The following PHACTR4 variants were observed in gnomAD, a reference collection of about 807,000 sequenced individuals.
PHACTR4 encodes the protein protein phosphatase 1, regulatory subunit 124.
Under a neutral mutation model 72.7 loss-of-function variants are expected in PHACTR4, and 51 were observed. The observed-to-expected ratio is 0.70, with a 90% CI of 0.56 to 0.89. The LOEUF (loss-of-function observed/expected upper bound fraction) is 0.89. PHACTR4 is among the 40% of genes least tolerant of loss of function. PHACTR4 has a pLI of 0.00. For synonymous variants in PHACTR4, 255 were observed against 302.5 expected (o/e 0.84, Z 1.63); for missense variants, 731 against 861.8 (o/e 0.85, Z 1.90).
intron 8 of PHACTR4, among the ~76,000 whole-genome samples, chr1:28,478,752 C>G (rs1303057387): frequency 1.3e-5 from 2 of 151,912 alleles, no homozygotes; most frequent in African/African-American, 4.8e-5. Context: ...CCGTGACTGG[C>G]CCGGTAGTTC....
intron 1 of PHACTR4, among the ~76,000 whole-genome samples, chr1:28,377,620 G>A (rs943207890): frequency 1.3e-5 from 2 of 151,992 alleles, no homozygotes; most frequent in Admixed American, 1.3e-4. Context: ...GCCACAAGGT[G>A]GAGTTCAAGA....
At chr1:28,430,384 C>G (rs929054272) in intron 2 of PHACTR4, among the ~76,000 whole-genome samples, 1 of 152,126 alleles carries the variant, frequency 6.6e-6, no homozygotes, top group African/African-American at 2.4e-5. Context: ...AGAGAAATTC[C>G]TGGCGAAGGG....
intron 7 of PHACTR4, among the ~76,000 whole-genome samples, chr1:28,475,529 C>T (rs1366178646): frequency 6.6e-6 from 1 of 152,050 alleles, no homozygotes; most frequent in Admixed American, 6.6e-5. Context: ...AATATTTACT[C>T]TGTAGGCTTG....
intron 7 of PHACTR4, among the ~76,000 whole-genome samples, chr1:28,475,000 G>C (rs901631828): frequency 6.6e-6 from 1 of 151,256 alleles, no homozygotes; most frequent in African/African-American, 2.4e-5. Flanking sequence ...ACTCAAGCTG[G>C]AGTCAGTGGT....
intron 8 of PHACTR4, among the ~76,000 whole-genome samples, chr1:28,476,528 T>G (rs893738834): frequency 3.3e-5 from 4 of 121,986 alleles, no homozygotes; most frequent in African/African-American, 1.0e-4. Context: ...AGGTTTTTTG[T>G]TTTTTTTTGT....
intron 2 of PHACTR4, among the ~76,000 whole-genome samples, chr1:28,411,284 T>A (rs1654773759): frequency 6.6e-6 from 1 of 152,226 alleles, no homozygotes; most frequent in Non-Finnish European, 1.5e-5. Context: ...TGACCTCAGA[T>A]GATCCACCTG....
intron 1 of PHACTR4, among the ~76,000 whole-genome samples, chr1:28,384,859 T>C (rs572412916): frequency 6.6e-6 from 1 of 152,176 alleles, no homozygotes; most frequent in African/African-American, 2.4e-5. Context: ...ACCTCTGTGC[T>C]CCAGCCTGGA....
At chr1:28,412,192 C>G (rs1360854067) in intron 2 of PHACTR4, among the ~76,000 whole-genome samples, 3 of 152,210 alleles carry the variant, frequency 2.0e-5, no homozygotes, top group Non-Finnish European at 4.4e-5. Context: ...TGAATTCTAT[C>G]ACTAGCAACA....
intron 2 of PHACTR4, chr1:28,453,703 T>G: frequency 7.9e-7 from 1 of 1,261,662 alleles, no homozygotes; most frequent in South Asian, 1.2e-5. Context: ...CTTACTTCAA[T>G]TTGAACCCAT....
Position 28,487,518 on chromosome 1 carries a change from C to CA in PHACTR4, c.1761-1633dup, listed in dbSNP as rs796633179. ...ACAGAGTGAGACCCTGACACACACA[C>CA]AAAAAAAAAAAAAAAAAAAGGAAGG... On this transcript the variant is annotated intron_variant, in intron 9 of 13. Coordinates refer to ENST00000373839, the MANE Select transcript of PHACTR4 (RefSeq NM_001048183.3). 4.8e-3 allele frequency among the ~76,000 whole-genome samples: 372 copies of CA among 77,204 alleles called. 7 individuals are homozygous for CA. The highest frequency in any genetic ancestry group is 0.044 in the East Asian group (95 of 2,138). The allele number at this position is 77,204 out of a possible 152,430, so 50.6% of individuals were successfully genotyped here.
Position 28,459,070 on chromosome 1 carries a change from C to A in PHACTR4, c.17-15C>A. On this transcript the variant is annotated splice_polypyrimidine_tract_variant and intron_variant, in intron 2 of 13. Coordinates refer to ENST00000373839, the MANE Select transcript of PHACTR4 (RefSeq NM_001048183.3). ...ATACATTTGCTTCCTTCCCTCTCTTCTTTTCATGTAACAGAGGAAGCAGAC... is the reference window on the plus strand; with the variant it reads ...ATACATTTGCTTCCTTCCCTCTCTTATTTTCATGTAACAGAGGAAGCAGAC... The A allele has an allele frequency of 1.3e-6, 2 of 1,580,258 alleles. No homozygotes were observed. The highest frequency in any genetic ancestry group is 1.7e-4 in the Middle Eastern group (1 of 5,870).
chr1:28,384,985 A>G (rs1001439273), intron 1 of PHACTR4, among the ~76,000 whole-genome samples: 5 of 152,068 alleles, frequency 3.3e-5, no homozygotes, highest in Admixed American at 6.6e-5. Context: ...CAGTGTCTCA[A>G]TCTCCTTCAG....
chr1:28,402,609 G>T lies in PHACTR4; in HGVS notation c.-38-4801G>T, dbSNP rs1463637781. 1.3e-5 allele frequency among the ~76,000 whole-genome samples: 2 copies of T among 152,020 alleles called. 1 individual carries two copies. The highest frequency in any genetic ancestry group is 4.1e-4 in the South Asian group (2 of 4,822). On this transcript the variant is annotated intron_variant, in intron 1 of 13. Transcript: ENST00000373839. ...TCTACAAAAATTTTTAAAAATTTAG[G>T]CCGGGCACCTAATTTGGTGCTTACT... is the stretch of plus-strand genomic sequence containing the variant.
chr1:28,488,423 G>A (rs1156556150), intron 9 of PHACTR4, among the ~76,000 whole-genome samples: 1 of 152,214 alleles, frequency 6.6e-6, no homozygotes, highest in Non-Finnish European at 1.5e-5. Context: ...CATGAACCCG[G>A]GAGGCGGAGC....
At chr1:28,379,039 A>G (rs1651925664) in intron 1 of PHACTR4, among the ~76,000 whole-genome samples, 1 of 151,818 alleles carries the variant, frequency 6.6e-6, no homozygotes, top group African/African-American at 2.4e-5. Context: ...TGCAGCCTCA[A>G]CTCCCCTGCT....
intron 9 of PHACTR4, among the ~76,000 whole-genome samples, chr1:28,487,268 C>T (rs558890284): frequency 1.1e-3 from 171 of 151,070 alleles, no homozygotes; most frequent in Non-Finnish European, 2.0e-3. Flanking sequence ...CGGGAGGCTG[C>T]GGCAGGAGAA....
intron 2 of PHACTR4, among the ~76,000 whole-genome samples, chr1:28,410,460 T>C (rs974241045): frequency 2.5e-4 from 38 of 152,310 alleles, no homozygotes; most frequent in African/African-American, 8.9e-4. Flanking sequence ...TTGCTTCACT[T>C]AAGTAAACAT....
chr1:28,418,328 A>G (rs1179677217), intron 2 of PHACTR4, among the ~76,000 whole-genome samples: 1 of 151,504 alleles, frequency 6.6e-6, no homozygotes, highest in East Asian at 1.9e-4. Context: ...AAATAATAAT[A>G]ATAATAGCTG....
intron 9 of PHACTR4, among the ~76,000 whole-genome samples, chr1:28,486,754 G>A (rs1263432600): frequency 6.6e-6 from 1 of 152,038 alleles, no homozygotes; most frequent in Non-Finnish European, 1.5e-5. Flanking sequence ...AGCTACTCAG[G>A]AGGCTGAGGC....
Sources: allele counts gnomAD v4.1 joint callset (sites outside exome capture counted in the v4.1 genomes callset), GRCh38; gene constraint gnomAD v4.1.1; transcripts MANE v1.5; gene names NCBI Gene and HGNC (gene_info 2026-07-23, HGNC 2026-07-21).